The following LIMS1 variants were observed in gnomAD, a reference collection of about 807,000 sequenced individuals.
The protein encoded by LIMS1 is LIM zinc finger domain containing 1.
Under a neutral mutation model 44.1 loss-of-function variants are expected in LIMS1, and 18 were observed. The ratio of observed to expected loss-of-function variants is 0.41; its 90% CI spans 0.28 to 0.61. LIMS1 has a LOEUF of 0.61. Ranked by LOEUF, LIMS1 falls within the 20% of genes least tolerant of loss-of-function variation. The probability of loss-of-function intolerance (pLI) is 0.32; values close to 1 mark genes in which losing one functional copy is unlikely to be tolerated. For synonymous variants in LIMS1, 93 were observed against 149.1 expected (o/e 0.62, Z 2.74); for missense variants, 201 against 422.0 (o/e 0.48, Z 4.59).
At chr2:108,610,261 G>A (rs796629482) in intron 1 of LIMS1, among the ~76,000 whole-genome samples, 18 of 150,768 alleles carry the variant, frequency 1.2e-4, no homozygotes, top group South Asian at 8.4e-4. Context: ...TGTTGGTCAG[G>A]GTGGTCTCAA....
At chr2:108,600,898 C>CTTCTT (rs1686975240) in intron 1 of LIMS1, among the ~76,000 whole-genome samples, 1 of 62,534 alleles carries the variant, frequency 1.6e-5, no homozygotes, top group South Asian at 5.2e-4. Context: ...TCGTTCTTCT[C>CTTCTT]TTCTCTTCTC....
intron 1 of LIMS1, among the ~76,000 whole-genome samples, chr2:108,635,758 C>T (rs1689204753): frequency 6.7e-6 from 1 of 149,794 alleles, no homozygotes; most frequent in South Asian, 2.1e-4. Flanking sequence ...GTTTATTATT[C>T]TGTACCTTTA....
At chr2:108,612,863 C>G (rs1316657163) in intron 1 of LIMS1, among the ~76,000 whole-genome samples, 1 of 152,130 alleles carries the variant, frequency 6.6e-6, no homozygotes, top group African/African-American at 2.4e-5. Context: ...GTCATGCACC[C>G]AGTTTCCCAG....
At chr2:108,656,595 G>A (rs1474204552) in intron 1 of LIMS1, among the ~76,000 whole-genome samples, 7 of 151,218 alleles carry the variant, frequency 4.6e-5, no homozygotes, top group Non-Finnish European at 8.8e-5. Context: ...GGTTCAGGGG[G>A]CAGCAAGGTG....
chr2:108,538,682 C>CT (rs1573288153), intron 1 of LIMS1, among the ~76,000 whole-genome samples: 1 of 152,158 alleles, frequency 6.6e-6, no homozygotes, highest in East Asian at 1.9e-4. Context: ...TCTGCAATTG[C>CT]TTTTTTTAGT....
intron 1 of LIMS1, among the ~76,000 whole-genome samples, chr2:108,537,338 A>G (rs548744806): frequency 6.6e-6 from 1 of 152,356 alleles, no homozygotes; most frequent in East Asian, 1.9e-4. Context: ...GGTATTGGGG[A>G]TATTTAAAAA....
intron 1 of LIMS1, among the ~76,000 whole-genome samples, chr2:108,570,868 G>A (rs1037233343): frequency 3.3e-5 from 5 of 152,196 alleles, no homozygotes; most frequent in Admixed American, 3.3e-4. Context: ...TCCCCTAAGT[G>A]TTAGCCGTCA....
In LIMS1 at chr2:108,670,707, A is replaced by G. The variant is rs1692107182; in HGVS notation, c.193-74A>G. On this transcript the variant is annotated intron_variant, in intron 2 of 9. Coordinates refer to ENST00000544547, the Ensembl canonical transcript of LIMS1. ...CTTAGTTTAGAAACATCTTTCCTGT[A>G]TATCTTCATCAAATAATTATATTTC... The G allele has an allele frequency of 3.2e-6, 5 of 1,557,830 alleles. 1 individual carries two copies. The highest frequency in any genetic ancestry group is 1.7e-5 in the Admixed American group (1 of 59,806).
chr2:108,627,472 A>G (rs1276998491), intron 1 of LIMS1, among the ~76,000 whole-genome samples: 1 of 149,492 alleles, frequency 6.7e-6, no homozygotes, highest in Non-Finnish European at 1.5e-5. Context: ...AACAGAATCA[A>G]TCTGTAATTT....
At chr2:108,579,321 TAA>T (rs1278132611) in intron 1 of LIMS1, among the ~76,000 whole-genome samples, 6 of 152,216 alleles carry the variant, frequency 3.9e-5, no homozygotes, top group African/African-American at 7.2e-5. Flanking sequence ...GTGGCATGAT[TAA>T]GACTATAATT....
In LIMS1 at chr2:108,657,605, G is replaced by A. The variant is rs1403040969; in HGVS notation, c.33-2000G>A. ...CATCTGGCTTACGGCAAAGCTGGGC[G>A]ATGATGAGAATTTTACAGATTTTTT... is the stretch of plus-strand genomic sequence containing the variant. On this transcript the variant is annotated intron_variant, in intron 1 of 9. Transcript: ENST00000544547. 5.9e-5 allele frequency among the ~76,000 whole-genome samples: 9 copies of A among 152,412 alleles called. No homozygotes were observed. The East Asian group carries it at 1.3e-3, about 23-fold the overall frequency.
At chr2:108,567,628 A>G (rs1231051221) in intron 1 of LIMS1, among the ~76,000 whole-genome samples, 1 of 151,974 alleles carries the variant, frequency 6.6e-6, no homozygotes, top group African/African-American at 2.4e-5. Flanking sequence ...CTGGAGTGCA[A>G]TGTCGTGATC....
chr2:108,633,388 A>G (rs1689038904), intron 1 of LIMS1, among the ~76,000 whole-genome samples: 1 of 152,256 alleles, frequency 6.6e-6, no homozygotes, highest in Non-Finnish European at 1.5e-5. Context: ...TACAACCAGC[A>G]TAGGCGCTGT....
chr2:108,580,474 A>G (rs1267175731), intron 1 of LIMS1, among the ~76,000 whole-genome samples: 2 of 152,070 alleles, frequency 1.3e-5, no homozygotes, highest in Non-Finnish European at 2.9e-5. Flanking sequence ...ACCCATGTGG[A>G]TGACATGACC....
At chr2:108,681,916 T>C (rs1329513340) in intron 9 of LIMS1, among the ~76,000 whole-genome samples, 1 of 151,802 alleles carries the variant, frequency 6.6e-6, no homozygotes, top group Non-Finnish European at 1.5e-5. Flanking sequence ...TCTTTCAGCA[T>C]GTTTCGTATC....
intron 1 of LIMS1, among the ~76,000 whole-genome samples, chr2:108,635,793 G>A (rs1032195717): frequency 5.3e-5 from 8 of 151,434 alleles, no homozygotes; most frequent in Admixed American, 4.0e-4. Flanking sequence ...CCTCCCCCCC[G>A]TCTGTTCCTA....
chr2:108,680,851 A>G (rs1248913923), intron 9 of LIMS1, 81 bp downstream of exon 9: 31 of 1,570,180 alleles, frequency 2.0e-5, no homozygotes, highest in Admixed American at 4.0e-5. Flanking sequence ...TAGAATTTAG[A>G]AAAAGAGAAT....
chr2:108,614,227 C>G (rs1186807896), intron 1 of LIMS1, among the ~76,000 whole-genome samples: 1 of 152,166 alleles, frequency 6.6e-6, no homozygotes, highest in Non-Finnish European at 1.5e-5. Flanking sequence ...CAGTCTCATC[C>G]CCTTGACAGG....
intron 1 of LIMS1, among the ~76,000 whole-genome samples, chr2:108,566,265 G>A (rs767929783): frequency 2.6e-4 from 40 of 152,168 alleles, no homozygotes; most frequent in Non-Finnish European, 4.7e-4. Flanking sequence ...AGCAGTGCAA[G>A]ACTCAGTAAG....
Sources: allele counts gnomAD v4.1 joint callset (sites outside exome capture counted in the v4.1 genomes callset), GRCh38; gene constraint gnomAD v4.1.1; transcripts MANE v1.5; gene names NCBI Gene and HGNC (gene_info 2026-07-23, HGNC 2026-07-21).